Variants in DDX31 observed in about 807,000 individuals in gnomAD.
The protein encoded by DDX31 is DEAD-box helicase 31, also known as ATP-dependent DNA helicase DDX31.
A neutral mutation model predicts 91.3 loss-of-function variants in DDX31; 70 were observed. The ratio of observed to expected loss-of-function variants is 0.77; its 90% CI spans 0.63 to 0.94. The LOEUF is 0.94. Ranked by LOEUF, DDX31 falls within the 40% of genes least tolerant of loss-of-function variation. The pLI is 0.00. For missense variants in DDX31, 902 were observed against 925.0 expected (o/e 0.98, Z 0.32); for synonymous variants, 362 against 350.6 (o/e 1.03, Z -0.36).
intron 19 of DDX31, among the ~76,000 whole-genome samples, chr9:132,601,778 C>A (rs1830735466): frequency 6.6e-6 from 1 of 152,224 alleles, no homozygotes; most frequent in Admixed American, 6.5e-5. Flanking sequence ...CAGAAACAAG[C>A]CCCTCTGAGC....
chr9:132,645,980 C>A lies in DDX31; in HGVS notation c.1295G>T (p.Ser432Ile). 1.2e-6 allele frequency: 2 copies of A among 1,614,120 alleles called. No homozygotes were observed. The highest frequency in any genetic ancestry group is 1.7e-6 in the Non-Finnish European group (2 of 1,180,004). ...CTGCCCTGATGCCGGCGCCCCTGAG[C>A]TGCTCAGCAGGGTCTGTAGGAAGAG... ...YSLFLQTLLS[S>I]SGAPASGQLP... The change falls in exon 13 of 20, where the codon AGC becomes ATC. Residue 432 changes from serine (S) to isoleucine (I), a missense_variant. Physicochemically the swap from Ser to Ile is moderately radical, Grantham distance 142 (BLOSUM62 -2). Coordinates refer to ENST00000372159, the MANE Select transcript of DDX31 (RefSeq NM_022779.9).
intron 1 of DDX31, among the ~76,000 whole-genome samples, chr9:132,664,834 T>C (rs1835210470): frequency 6.6e-6 from 1 of 151,882 alleles, no homozygotes; most frequent in African/African-American, 2.4e-5. Context: ...CTTCAGTTCC[T>C]AGAATGTGCT....
intron 16 of DDX31, among the ~76,000 whole-genome samples, chr9:132,626,635 GCT>G (rs1832410332): frequency 6.6e-6 from 1 of 151,842 alleles, no homozygotes; most frequent in African/African-American, 2.4e-5. Context: ...TTTGTTGTAT[GCT>G]CTTTTTTTTT....
intron 6 of DDX31, chr9:132,658,334 C>T (rs1372382591): frequency 1.4e-6 from 1 of 703,278 alleles, no homozygotes; most frequent in Non-Finnish European, 2.6e-6. Flanking sequence ...TGTTCTTCTT[C>T]GTAAAATGTG....
Position 132,663,244 on chromosome 9 carries a change from C to T in DDX31, c.76-549G>A, listed in dbSNP as rs1311683793. Reference sequence around the variant, plus strand: ...TACCATTCTACCCTAGCGCCTGGATCTCTCTCATTCTCTCCTCTCAAGCTG... The same window carrying T: ...TACCATTCTACCCTAGCGCCTGGATTTCTCTCATTCTCTCCTCTCAAGCTG... On this transcript the variant is annotated intron_variant, in intron 1 of 19. Transcript: ENST00000372159. The T allele has an allele frequency of 4.7e-6, 6 of 1,289,076 alleles. No individual in the cohort carries two copies. The Admixed American group carries it at 1.4e-4, about 30-fold the overall frequency. The allele number at this position is 1,289,076 out of a possible 1,614,324, so 79.9% of individuals were successfully genotyped here. A position where few individuals can be genotyped will look rare whatever the true frequency, so the allele number is the denominator to read the frequency against.
intron 15 of DDX31, among the ~76,000 whole-genome samples, chr9:132,631,681 C>T (rs994528727): frequency 6.6e-6 from 1 of 152,198 alleles, no homozygotes; most frequent in East Asian, 1.9e-4. Context: ...TACACGGACA[C>T]GGCTCTCGGA....
At chr9:132,664,290 C>T (rs1198469673) in intron 1 of DDX31, among the ~76,000 whole-genome samples, 1 of 152,182 alleles carries the variant, frequency 6.6e-6, no homozygotes, top group Non-Finnish European at 1.5e-5. Context: ...ATATTTCAAA[C>T]AGGACACAAC....
chr9:132,637,651 C>T (rs912598885), intron 14 of DDX31, among the ~76,000 whole-genome samples: 2 of 152,144 alleles, frequency 1.3e-5, no homozygotes, highest in Admixed American at 6.5e-5. Flanking sequence ...CCCCGTTGTC[C>T]GGGTGACAGA....
At chr9:132,629,737 G>A (rs993250657) in intron 16 of DDX31, among the ~76,000 whole-genome samples, 1 of 152,206 alleles carries the variant, frequency 6.6e-6, no homozygotes. Flanking sequence ...AGGGCTTTAC[G>A]CAGAGGTATG....
At chr9:132,618,249 G>A (rs1831768088) in intron 18 of DDX31, 81 bp downstream of exon 18, 1 of 1,246,014 alleles carries the variant, frequency 8.0e-7, no homozygotes, top group African/African-American at 1.5e-5. Context: ...CTCTCAACCG[G>A]TTTGGGGGTA....
intron 6 of DDX31, among the ~76,000 whole-genome samples, chr9:132,653,041 C>G (rs1490600514): frequency 1.3e-5 from 2 of 151,266 alleles, no homozygotes; most frequent in African/African-American, 4.9e-5. Context: ...CCCATACAAT[C>G]AGACAAGAAA....
intron 19 of DDX31, among the ~76,000 whole-genome samples, chr9:132,599,993 A>C (rs1488620372): frequency 6.6e-6 from 1 of 152,242 alleles, no homozygotes; most frequent in African/African-American, 2.4e-5. Context: ...ATGTCTGGGT[A>C]GGGTTTTGGT....
intron 17 of DDX31, 59 bp from the exon 18 acceptor site, chr9:132,618,500 C>T: frequency 6.9e-7 from 1 of 1,456,658 alleles, no homozygotes; most frequent in Non-Finnish European, 9.5e-7. Flanking sequence ...AATAATGAAG[C>T]AGTTTATAAT....
At chr9:132,640,505 TTTTTC>T (rs1351750007) in intron 14 of DDX31, among the ~76,000 whole-genome samples, 6 of 152,184 alleles carry the variant, frequency 3.9e-5, no homozygotes, top group Admixed American at 3.9e-4. Context: ...TCCCCCGCTT[TTTTTC>T]TTTTGAGACA....
chr9:132,618,375 C>A lies in DDX31; in HGVS notation c.1780G>T (p.Asp594Tyr). The change falls in exon 18 of 20, where the codon GAT (aspartate) becomes TAT (tyrosine). Residue 594 changes from aspartate to tyrosine, a missense_variant. Coordinates refer to ENST00000372159, the MANE Select transcript of DDX31 (RefSeq NM_022779.9). The part of the protein sequence containing the change: ...RATVLQTVFE[D>Y]YVHSSERRVS... ...CTCCTCTCACTGGAGTGCACGTAATCTTCAAATACCGTCTGCAAGACTGTG... is the reference window on the plus strand; with the variant it reads ...CTCCTCTCACTGGAGTGCACGTAATATTCAAATACCGTCTGCAAGACTGTG... The A allele has an allele frequency of 6.2e-7, 1 of 1,612,374 alleles. No individual in the cohort carries two copies. Among genetic ancestry groups the A allele is most frequent in the South Asian group, 1.1e-5 (1 of 90,422 alleles).
intron 1 of DDX31, among the ~76,000 whole-genome samples, chr9:132,666,464 T>G (rs1302396420): frequency 6.6e-6 from 1 of 152,180 alleles, no homozygotes; most frequent in Non-Finnish European, 1.5e-5. Context: ...ATGAGTGGGT[T>G]TTTAAAAATC....
At chr9:132,616,934 T>A (rs1474928277) in intron 18 of DDX31, among the ~76,000 whole-genome samples, 3 of 152,200 alleles carry the variant, frequency 2.0e-5, no homozygotes, top group Non-Finnish European at 4.4e-5. Flanking sequence ...ACTAACCCAT[T>A]TTTTCATCTA....
At chr9:132,641,180 T>C (rs1258588612) in intron 14 of DDX31, among the ~76,000 whole-genome samples, 1 of 152,244 alleles carries the variant, frequency 6.6e-6, no homozygotes, top group Non-Finnish European at 1.5e-5. Context: ...GAATATGGAA[T>C]ACAAGTTCCT....
intron 3 of DDX31, among the ~76,000 whole-genome samples, 167 bp downstream of exon 3, chr9:132,662,094 T>C (rs1197396075): frequency 6.6e-6 from 1 of 152,218 alleles, no homozygotes; most frequent in Non-Finnish European, 1.5e-5. Context: ...CTAAGCACCC[T>C]TGAACTGTCC....
Sources: allele counts gnomAD v4.1 joint callset (sites outside exome capture counted in the v4.1 genomes callset), GRCh38; gene constraint gnomAD v4.1.1; transcripts MANE v1.5; gene names NCBI Gene and HGNC (gene_info 2026-07-23, HGNC 2026-07-21).